Variants in ZNF223 observed in about 807,000 individuals in gnomAD.
ZNF223 encodes Homo sapiens zinc finger protein 223.
ZNF223 carries 9 observed loss-of-function variants against 12.3 expected under a neutral mutation model. The observed-to-expected ratio is 0.73, with a 90% confidence interval of 0.44 to 1.28. The LOEUF is 1.28. Ranked by LOEUF, ZNF223 falls within the 50% of genes most tolerant of loss-of-function variation. The pLI, the probability that ZNF223 is intolerant of heterozygous loss-of-function variation, is 0.00. For missense variants in ZNF223, 506 were observed against 579.0 expected, an observed-to-expected ratio of 0.87 and a Z score of 1.29; for synonymous variants, 171 against 195.2, an observed-to-expected ratio of 0.88 and a Z score of 1.03.
chr19:44,065,970 C>T (rs562822479), intron 4 of ZNF223, 94 bp from the exon 5 acceptor site: 10 of 1,495,276 alleles, frequency 6.7e-6, no homozygotes, highest in African/African-American at 2.8e-5. Flanking sequence ...ACTGAACATT[C>T]GTTGAAGTTT....
chr19:44,065,152 C>T (rs1323873395), intron 4 of ZNF223, among the ~76,000 whole-genome samples: 1 of 152,160 alleles, frequency 6.6e-6, no homozygotes, highest in African/African-American at 2.4e-5. Flanking sequence ...AAGATTTGCC[C>T]CCAAGCAAAC....
chr19:44,058,335 CT>C (rs1166434972), intron 2 of ZNF223, among the ~76,000 whole-genome samples: 1 of 142,868 alleles, frequency 7.0e-6, no homozygotes, highest in Non-Finnish European at 1.5e-5. Flanking sequence ...CTGGCCTCCC[CT>C]GATCTTGTTA....
At chr19:44,059,067 C>T (rs575286731) in intron 2 of ZNF223, among the ~76,000 whole-genome samples, 3 of 152,314 alleles carry the variant, frequency 2.0e-5, no homozygotes, top group Non-Finnish European at 2.9e-5. Flanking sequence ...GCACACAGCA[C>T]CCATTCCCTT....
At chr19:44,062,596 G>C (rs1232292051) in intron 4 of ZNF223, among the ~76,000 whole-genome samples, 1 of 151,838 alleles carries the variant, frequency 6.6e-6, no homozygotes, top group Non-Finnish European at 1.5e-5. Flanking sequence ...GACATGATTG[G>C]TTTTATGTGT....
intron 4 of ZNF223, among the ~76,000 whole-genome samples, chr19:44,064,415 G>A (rs1976878996): frequency 6.6e-6 from 1 of 152,060 alleles, no homozygotes; most frequent in Non-Finnish European, 1.5e-5. Flanking sequence ...GTCTGTCTCT[G>A]TACTCTTTCA....
At chr19:44,065,072 A>G (rs1976887870) in intron 4 of ZNF223, among the ~76,000 whole-genome samples, 1 of 152,120 alleles carries the variant, frequency 6.6e-6, no homozygotes, top group Non-Finnish European at 1.5e-5. Context: ...GCCACCTGCC[A>G]TTTCCCATCC....
At chr19:44,058,045 C>G (rs923830500) in intron 2 of ZNF223, among the ~76,000 whole-genome samples, 8 of 152,168 alleles carry the variant, frequency 5.3e-5, no homozygotes, top group African/African-American at 1.7e-4. Flanking sequence ...AGAAGGTAAC[C>G]TGCCCCCATT....
At chr19:44,055,952 C>T (rs185209150) in intron 2 of ZNF223, among the ~76,000 whole-genome samples, 11 of 152,200 alleles carry the variant, frequency 7.2e-5, no homozygotes, top group Admixed American at 5.2e-4. Context: ...GAATGTTAGC[C>T]ATTCTGCTCA....
chr19:44,062,956 C>G (rs1370710894), intron 4 of ZNF223, among the ~76,000 whole-genome samples: 1 of 152,166 alleles, frequency 6.6e-6, no homozygotes, highest in African/African-American at 2.4e-5. Context: ...GCGTATTTCC[C>G]TTTTCTTTAC....
rs748030709 is a variant in ZNF223 at position 44,060,437 on chromosome 19, A to G, written c.16-18A>G. The G allele has an allele frequency of 1.2e-6, 2 of 1,613,584 alleles. No homozygotes were observed. Among genetic ancestry groups the G allele is most frequent in the South Asian group, 2.2e-5 (2 of 91,034 alleles). On this transcript the variant is annotated intron_variant, in intron 2 of 4. Transcript: ENST00000434772. ...CCATTGGTAGTGAGATTGAGGTTGC[A>G]TATGTTTGATGCTGTAGGAGGCAGT...
intron 4 of ZNF223, among the ~76,000 whole-genome samples, chr19:44,061,234 A>G (rs571575061): frequency 5.9e-5 from 9 of 152,204 alleles, no homozygotes; most frequent in Admixed American, 3.3e-4. Flanking sequence ...TTATTTCTCC[A>G]TCCTGCCAAG....
intron 3 of ZNF223, 42 bp downstream of exon 3, chr19:44,060,623 G>GA (rs774281043): frequency 6.2e-7 from 1 of 1,613,662 alleles, no homozygotes; most frequent in Non-Finnish European, 8.5e-7. Context: ...CAGGCCCCAG[G>GA]AGTGGTTTTG....
At chr19:44,056,585 A>ATTTTTTTTTTTTTTTTTTTTTTTTTTTTT (rs775187674) in intron 2 of ZNF223, among the ~76,000 whole-genome samples, 2 of 72,158 alleles carry the variant, frequency 2.8e-5, no homozygotes, top group African/African-American at 1.3e-4. Context: ...ATGCCTCACC[A>ATTTTTTTTTTTTTTTTTTTTTTTTTTTTT]TTTTTTTTTT....
At chr19:44,065,608 C>T (rs1976899248) in intron 4 of ZNF223, among the ~76,000 whole-genome samples, 1 of 137,282 alleles carries the variant, frequency 7.3e-6, no homozygotes, top group Non-Finnish European at 1.5e-5. Flanking sequence ...GGCAGAGTCT[C>T]ACTGTGTCGC....
chr19:44,063,452 C>G (rs1294924830), intron 4 of ZNF223: 1 of 152,404 alleles, frequency 6.6e-6, no homozygotes, highest in Non-Finnish European at 1.5e-5. Context: ...CTCAGTGGAG[C>G]ATCAGGGTAG....
intron 4 of ZNF223, among the ~76,000 whole-genome samples, chr19:44,062,122 C>T (rs1976849083): frequency 6.6e-6 from 1 of 152,160 alleles, no homozygotes; most frequent in African/African-American, 2.4e-5. Flanking sequence ...GGGGGGACTT[C>T]ACTGTCTGTA....
chr19:44,054,314 G>A (rs1976738497), intron 1 of ZNF223, among the ~76,000 whole-genome samples: 1 of 151,568 alleles, frequency 6.6e-6, no homozygotes, highest in Admixed American at 6.6e-5. Context: ...TCTCAGCTTT[G>A]TCACTGGCCA....
intron 4 of ZNF223, among the ~76,000 whole-genome samples, chr19:44,062,187 T>G (rs527614981): frequency 1.9e-4 from 29 of 152,262 alleles, no homozygotes; most frequent in African/African-American, 5.8e-4. Context: ...ATGAAATATA[T>G]TAGTCCCTTG....
chr19:44,067,111 TC>T lies in ZNF223; in HGVS notation c.1284del (p.Phe428LeufsTer42). On this transcript the variant is annotated frameshift_variant, in exon 5 of 5. Coordinates refer to ENST00000434772, the MANE Select transcript of ZNF223 (RefSeq NM_013361.6). LOFTEE classifies it low-confidence loss of function (END_TRUNC). ...HKRLHCRKKP[F>X]KCEDCGKKLV... is the part of the protein sequence containing the mutation. ...AGACTCCATTGCCGAAAAAAACCAT[TC>T]AAATGTGAGGATTGTGGAAAGAAGC... 6.2e-7 allele frequency: 1 copy of T among 1,613,420 alleles called. No homozygotes were observed. Among genetic ancestry groups the T allele is most frequent in the East Asian group, 2.2e-5 (1 of 44,872 alleles).
Sources: gnomAD v4.1 joint callset for allele counts (sites outside exome capture counted in the v4.1 genomes callset) on GRCh38, gnomAD v4.1.1 for gene constraint, MANE v1.5 for transcripts, NCBI Gene and HGNC (gene_info 2026-07-23, HGNC 2026-07-21) for gene names.